Variants in ANKRD30BL observed in about 807,000 individuals in gnomAD.
ANKRD30BL encodes the protein putative ankyrin repeat domain-containing protein 30B-like.
ANKRD30BL carries 20 observed loss-of-function variants against 18.4 expected under a neutral mutation model. The ratio of observed to expected loss-of-function variants is 1.09; its 90% CI spans 0.77 to 1.58. The LOEUF (loss-of-function observed/expected upper bound fraction) is 1.58. Ranked by LOEUF, ANKRD30BL falls within the 40% of genes most tolerant of loss-of-function variation. ANKRD30BL has a pLI of 0.00. For missense variants in ANKRD30BL, 224 were observed against 268.6 expected, an observed-to-expected ratio of 0.83 and a Z score of 1.16; for synonymous variants, 72 against 100.9, an observed-to-expected ratio of 0.71 and a Z score of 1.72.
chr2:132,162,498 T>G (rs566941999), upstream of ANKRD30BL, among the ~76,000 whole-genome samples: 1 of 152,186 alleles, frequency 6.6e-6, no homozygotes, highest in Non-Finnish European at 1.5e-5. Flanking sequence ...CTGGGCCCTG[T>G]ACAGCTGCGG....
chr2:132,164,420 A>G (rs1234981191), upstream of ANKRD30BL, among the ~76,000 whole-genome samples: 1 of 151,344 alleles, frequency 6.6e-6, no homozygotes, highest in East Asian at 1.9e-4. Flanking sequence ...CCTCCTGAGT[A>G]GCTGGGATTA....
At chr2:132,219,635 A>G (rs2104768113) in intron 1 of ANKRD30BL, among the ~76,000 whole-genome samples, 1 of 152,180 alleles carries the variant, frequency 6.6e-6, no homozygotes, top group African/African-American at 2.4e-5. Flanking sequence ...TTTGAGGCCT[A>G]AGGTGGGAAA....
At chr2:132,196,366 A>T (rs1010876721) in intron 1 of ANKRD30BL, among the ~76,000 whole-genome samples, 6 of 152,000 alleles carry the variant, frequency 3.9e-5, no homozygotes, top group African/African-American at 1.4e-4. Flanking sequence ...GAGGTAAGAG[A>T]ATTGATAGAA....
chr2:132,212,651 A>G (rs984527834), intron 1 of ANKRD30BL, among the ~76,000 whole-genome samples: 1 of 151,954 alleles, frequency 6.6e-6, no homozygotes, highest in Non-Finnish European at 1.5e-5. Flanking sequence ...CTTAAGTACT[A>G]GACAGAATAA....
chr2:132,227,592 G>C (rs796873493), intron 1 of ANKRD30BL, among the ~76,000 whole-genome samples: 1 of 152,004 alleles, frequency 6.6e-6, no homozygotes, highest in African/African-American at 2.4e-5. Flanking sequence ...ACTTCTTTTT[G>C]ATGTGTACAT....
intron 1 of ANKRD30BL, among the ~76,000 whole-genome samples, chr2:132,215,284 A>T (rs1175568640): frequency 6.6e-6 from 1 of 152,130 alleles, no homozygotes; most frequent in Non-Finnish European, 1.5e-5. Context: ...GTTTGGAAAC[A>T]CTCTTTTTGT....
At chr2:132,250,515 T>C (rs1335835971) in intron 1 of ANKRD30BL, among the ~76,000 whole-genome samples, 1 of 152,238 alleles carries the variant, frequency 6.6e-6, no homozygotes, top group African/African-American at 2.4e-5. Context: ...GAAGTCCATG[T>C]AGAGCCGAAA....
chr2:132,166,908 C>A (rs1036217214), upstream of ANKRD30BL, among the ~76,000 whole-genome samples: 19 of 151,740 alleles, frequency 1.3e-4, no homozygotes, highest in African/African-American at 4.4e-4. Flanking sequence ...TCTCTTTTTT[C>A]ATAATAATAT....
chr2:132,219,018 C>A (rs796998856), intron 1 of ANKRD30BL, among the ~76,000 whole-genome samples: 11 of 151,420 alleles, frequency 7.3e-5, no homozygotes, highest in African/African-American at 1.2e-4. Context: ...CTTCTTTGTG[C>A]TGTGTGCATT....
At chr2:132,219,793 C>T (rs998687144) in intron 1 of ANKRD30BL, among the ~76,000 whole-genome samples, 6 of 151,800 alleles carry the variant, frequency 4.0e-5, no homozygotes, top group Admixed American at 6.6e-5. Flanking sequence ...ATATTTGAAG[C>T]GCTTTGAGGA....
chr2:132,147,964 C>T lies in ANKRD30BL; in HGVS notation c.*167G>A, dbSNP rs1258013155. 9 of 603,964 alleles carry T rather than the reference C, an allele frequency of 1.5e-5. No individual in the cohort carries two copies. The highest frequency in any genetic ancestry group is 8.7e-5 in the Admixed American group (3 of 34,344). 37.4% of individuals were successfully genotyped at this position (603,964 alleles called of 1,614,324 possible). On this transcript the variant is annotated 3_prime_UTR_variant, in exon 6 of 6. Coordinates refer to ENST00000409867, the MANE Select transcript of ANKRD30BL (RefSeq NM_001358416.1). The stretch of plus-strand genomic sequence containing the variant: ...ACTAGGGGCAAGGAGGCATAACGAA[C>T]GAGGAAGTTAAACTTTAAAACGGAG...
At chr2:132,156,927 C>A (rs62161661) in intron 3 of ANKRD30BL, 46 bp downstream of exon 3, 62,250 of 539,200 alleles carry the variant, frequency 0.12, 4,357 homozygotes, top group Admixed American at 0.25. Context: ...AATGTTAAAA[C>A]AAATGGATTT....
upstream of ANKRD30BL, among the ~76,000 whole-genome samples, chr2:132,166,391 A>G (rs1688187641): frequency 6.6e-6 from 1 of 151,290 alleles, no homozygotes; most frequent in Non-Finnish European, 1.5e-5. Context: ...TAAATGCTTG[A>G]TAGAATTCAC....
intron 1 of ANKRD30BL, among the ~76,000 whole-genome samples, chr2:132,241,752 T>C (rs1680334006): frequency 6.6e-6 from 1 of 151,846 alleles, no homozygotes; most frequent in South Asian, 2.1e-4. Context: ...ACTCACAGAG[T>C]TGAATTTTTC....
intron 1 of ANKRD30BL, among the ~76,000 whole-genome samples, chr2:132,221,676 C>A (rs1161894325): frequency 2.6e-5 from 3 of 116,752 alleles, no homozygotes; most frequent in African/African-American, 8.8e-5. Context: ...CCAGCCGCCC[C>A]GTCCGGGAGG....
intron 1 of ANKRD30BL, among the ~76,000 whole-genome samples, chr2:132,169,939 C>T (rs1479231899): frequency 6.6e-6 from 1 of 152,068 alleles, no homozygotes; most frequent in Admixed American, 6.6e-5. Flanking sequence ...TAACAACTTA[C>T]TTTTAAATCT....
chr2:132,232,616 G>A (rs536045182), intron 1 of ANKRD30BL, among the ~76,000 whole-genome samples: 34 of 152,188 alleles, frequency 2.2e-4, no homozygotes, highest in South Asian at 8.3e-4. Flanking sequence ...GAAATGAAGC[G>A]AGAAGGGAAG....
At chr2:132,186,822 A>T (rs1688568255) in intron 1 of ANKRD30BL, among the ~76,000 whole-genome samples, 1 of 152,150 alleles carries the variant, frequency 6.6e-6, no homozygotes, top group Non-Finnish European at 1.5e-5. Context: ...TAAGTTAAAA[A>T]ATATTTTGGA....
At chr2:132,233,907 C>A (rs1287504769) in intron 1 of ANKRD30BL, among the ~76,000 whole-genome samples, 1 of 152,100 alleles carries the variant, frequency 6.6e-6, no homozygotes, top group Non-Finnish European at 1.5e-5. Flanking sequence ...CACACCACAC[C>A]TATTCCAAAA....
Sources: gnomAD v4.1 joint callset for allele counts (sites outside exome capture counted in the v4.1 genomes callset) on GRCh38, gnomAD v4.1.1 for gene constraint, MANE v1.5 for transcripts, NCBI Gene and HGNC (gene_info 2026-07-23, HGNC 2026-07-21) for gene names.